Variants in XPR1 observed in about 807,000 individuals in gnomAD.
XPR1 encodes the protein xenotropic and polytropic retrovirus receptor 1, also known as solute carrier family 53 member 1.
In XPR1, 28 loss-of-function variants were observed where a neutral mutation model predicts 87.5. The ratio of observed to expected loss-of-function variants is 0.32; its 90% CI spans 0.24 to 0.44. The LOEUF is 0.44. Among genes scored for constraint, XPR1 ranks in the 20% least tolerant of loss-of-function variants. The pLI is 1.00. For missense variants in XPR1, 559 were observed against 862.3 expected, an observed-to-expected ratio of 0.65 and a Z score of 4.41; for synonymous variants, 300 against 306.1, an observed-to-expected ratio of 0.98 and a Z score of 0.21.
intron 2 of XPR1, among the ~76,000 whole-genome samples, chr1:180,716,677 T>C (rs956033202): frequency 6.6e-6 from 1 of 152,220 alleles, no homozygotes; most frequent in Non-Finnish European, 1.5e-5. Flanking sequence ...ATTGTCAAAT[T>C]GGTAATGTTC....
rs778759046 is a variant in XPR1, at chr1:180,863,806, T to C, written c.1600T>C (p.Trp534Arg). 2 of 1,612,642 alleles carry C rather than the reference T, an allele frequency of 1.2e-6. No individual in the cohort carries two copies. Among genetic ancestry groups the C allele is most frequent in the Non-Finnish European group, 1.7e-6 (2 of 1,179,402 alleles). Residue 534 changes from tryptophan (W) to arginine (R), a missense_variant, in exon 12 of 15, where the codon TGG (tryptophan) becomes CGG (arginine). Physicochemically the swap from Trp to Arg is moderately radical, Grantham distance 101. This residue lies in a region of XPR1 where 264 missense variants were observed against 377.2 expected (regional missense o/e 0.70). Transcript: ENST00000367590. ...CCTCATCTGGGATCTCAAGATGGAC[T>C]GGGGTCTCTTCGATAAGAATGCTGG... The part of the protein sequence containing the change: ...YTLIWDLKMD[W>R]GLFDKNAGEN...
intron 2 of XPR1, among the ~76,000 whole-genome samples, chr1:180,730,327 C>T (rs1350397613): frequency 1.3e-5 from 2 of 152,036 alleles, no homozygotes; most frequent in African/African-American, 2.4e-5. Context: ...AATAGGATGC[C>T]TCTAAGTTTC....
chr1:180,788,473 C>G (rs1447183149), intron 3 of XPR1, among the ~76,000 whole-genome samples: 1 of 151,936 alleles, frequency 6.6e-6, no homozygotes, highest in Non-Finnish European at 1.5e-5. Context: ...CCTGTGAGAC[C>G]TAGTTAATAA....
chr1:180,814,389 A>G (rs763372154), intron 7 of XPR1, among the ~76,000 whole-genome samples: 1 of 152,236 alleles, frequency 6.6e-6, no homozygotes, highest in Non-Finnish European at 1.5e-5. Flanking sequence ...TGAAAATAAT[A>G]CAATTTAAAA....
chr1:180,682,212 T>G (rs1293630252), intron 1 of XPR1, 148 bp from the exon 2 acceptor site: 2 of 469,744 alleles, frequency 4.3e-6, no homozygotes, highest in Non-Finnish European at 7.3e-6. Context: ...TGTTTGGATT[T>G]TAGTTTATAA....
chr1:180,669,524 C>T (rs766501339), intron 1 of XPR1, among the ~76,000 whole-genome samples: 10 of 152,082 alleles, frequency 6.6e-5, no homozygotes, highest in Admixed American at 3.9e-4. Flanking sequence ...CTGGGATTTA[C>T]AGGCATGCAC....
chr1:180,653,294 A>C (rs1333082960), intron 1 of XPR1, among the ~76,000 whole-genome samples: 1 of 152,180 alleles, frequency 6.6e-6, no homozygotes. Context: ...TGGGAGGTGG[A>C]AGGTGATGTC....
At chr1:180,708,009 A>G (rs1047467334) in intron 2 of XPR1, among the ~76,000 whole-genome samples, 1 of 152,220 alleles carries the variant, frequency 6.6e-6, no homozygotes, top group Admixed American at 6.5e-5. Flanking sequence ...AAATAAAACA[A>G]TTAGGTCAAA....
chr1:180,850,961 T>TAA (rs34627089), intron 11 of XPR1, among the ~76,000 whole-genome samples: 4,692 of 139,322 alleles, frequency 0.034, 277 homozygotes, highest in African/African-American at 0.12. Context: ...CCTGTGTCTT[T>TAA]AAAAAAAAAA....
intron 1 of XPR1, among the ~76,000 whole-genome samples, chr1:180,632,821 T>C (rs2101887759): frequency 6.6e-6 from 1 of 152,390 alleles, no homozygotes; most frequent in South Asian, 2.1e-4. Flanking sequence ...AAAGGCTTTG[T>C]AACGGGGTTG....
chr1:180,710,227 C>A (rs1335589773), intron 2 of XPR1, among the ~76,000 whole-genome samples: 8 of 147,142 alleles, frequency 5.4e-5, no homozygotes, highest in Middle Eastern at 3.2e-3. Context: ...TTTAATTGAT[C>A]ATTCTTGGGT....
intron 14 of XPR1, among the ~76,000 whole-genome samples, chr1:180,881,672 G>A (rs1652857102): frequency 6.6e-6 from 1 of 152,206 alleles, no homozygotes; most frequent in South Asian, 2.1e-4. Context: ...ATAAGGAGAT[G>A]TTTTGAAGGA....
chr1:180,694,794 C>T (rs1354874180), intron 2 of XPR1, among the ~76,000 whole-genome samples: 1 of 152,070 alleles, frequency 6.6e-6, no homozygotes, highest in Admixed American at 6.5e-5. Flanking sequence ...CACACACACA[C>T]ACACACACAC....
At chr1:180,702,905 C>G (rs1198624199) in intron 2 of XPR1, among the ~76,000 whole-genome samples, 1 of 152,074 alleles carries the variant, frequency 6.6e-6, no homozygotes, top group East Asian at 1.9e-4. Flanking sequence ...ATTTAACAGT[C>G]ACTTCTTCCA....
intron 12 of XPR1, among the ~76,000 whole-genome samples, chr1:180,866,807 T>TG (rs1255318926): frequency 1.6e-5 from 2 of 123,412 alleles, no homozygotes; most frequent in Non-Finnish European, 3.4e-5. Flanking sequence ...ATTTTTTTTT[T>TG]TTAATTTTTT....
chr1:180,659,552 TCCACCACCACCAC>T (rs1655690789), intron 1 of XPR1, among the ~76,000 whole-genome samples: 1 of 132,978 alleles, frequency 7.5e-6, no homozygotes, highest in Admixed American at 7.6e-5. Flanking sequence ...CACTGCAACC[TCCACCACCACCAC>T]CCACCACACC....
At chr1:180,787,906 C>G (rs746390105) in intron 3 of XPR1, 52 bp downstream of exon 3, 1 of 1,323,056 alleles carries the variant, frequency 7.6e-7, no homozygotes, top group Non-Finnish European at 1.1e-6. Context: ...ATAAATTGTA[C>G]CATATCATTG....
intron 2 of XPR1, among the ~76,000 whole-genome samples, chr1:180,708,673 A>G (rs1018137486): frequency 5.9e-5 from 9 of 152,004 alleles, no homozygotes; most frequent in African/African-American, 1.9e-4. Context: ...GACTCTGCAT[A>G]TGACTTTCCT....
At chr1:180,663,988 G>T (rs1293949684) in intron 1 of XPR1, among the ~76,000 whole-genome samples, 1 of 152,158 alleles carries the variant, frequency 6.6e-6, no homozygotes, top group African/African-American at 2.4e-5. Flanking sequence ...TCTTCATTTA[G>T]TTTGTGGTGA....
Sources: gnomAD v4.1 joint callset for allele counts (sites outside exome capture counted in the v4.1 genomes callset) on GRCh38, gnomAD v4.1.1 for gene constraint, gnomAD v4.1.1 regional missense constraint, MANE v1.5 for transcripts, NCBI Gene and HGNC (gene_info 2026-07-23, HGNC 2026-07-21) for gene names.